The following ZNF717 variants were observed in gnomAD, a reference collection of about 807,000 sequenced individuals.
The protein encoded by ZNF717 is krueppel-like factor X17.
A neutral mutation model predicts 13.8 loss-of-function variants in ZNF717; 9 were observed. That is an observed-to-expected ratio of 0.65 (90% CI 0.39 to 1.14). ZNF717 has a LOEUF of 1.14. Ranked by LOEUF, ZNF717 falls within the 50% of genes most tolerant of loss-of-function variation. The probability of loss-of-function intolerance (pLI) is 0.01; values close to 1 mark genes in which losing one functional copy is unlikely to be tolerated. For synonymous variants in ZNF717, 327 were observed against 364.1 expected, an observed-to-expected ratio of 0.90 and a Z score of 1.16; for missense variants, 1,040 against 1,080.7, an observed-to-expected ratio of 0.96 and a Z score of 0.53.
At chr3:75,705,850 C>T (rs150420868), downstream of ZNF717, among the ~76,000 whole-genome samples, 1 of 149,734 alleles carries the variant, frequency 6.7e-6, no homozygotes, top group African/African-American at 2.5e-5. Flanking sequence ...AATTCATAGA[C>T]AAATTTAAGA....
downstream of ZNF717, among the ~76,000 whole-genome samples, chr3:75,705,169 TGAAA>T (rs1331647348): frequency 6.6e-6 from 1 of 152,304 alleles, no homozygotes; most frequent in African/African-American, 2.4e-5. Context: ...ACTTTTTTCC[TGAAA>T]GAGTTTTGTC....
Position 75,737,022 on chromosome 3 carries a change from T to C in ZNF717, c.2601A>G (p.Glu867=), listed in dbSNP as rs1388859914. 3.4e-5 allele frequency: 54 copies of C among 1,602,214 alleles called. No individual in the cohort carries two copies. The East Asian group carries it at 9.3e-4, about 28-fold the overall frequency. The stretch of plus-strand genomic sequence containing the variant: ...CACATTCCTTACATTCATAAGGTTT[T>C]TCTCCTGTGTGTGTTCTCTGATGTA... ...LSIHQRTHTG[E]KPYECKECGK... is the part of the protein sequence containing the mutation. Residue 867 remains glutamate (E), a synonymous_variant, in exon 5 of 5, where the codon GAA becomes GAG. Transcript: ENST00000652011.
intron 2 of ZNF717, among the ~76,000 whole-genome samples, chr3:75,745,861 A>G (rs1166179778): frequency 2.7e-5 from 4 of 150,458 alleles, no homozygotes; most frequent in Non-Finnish European, 4.4e-5. Flanking sequence ...TATTTTCCAT[A>G]TTGAATTATT....
rs1314891773 is a variant in ZNF717 at position 75,717,070 on chromosome 3, C to T, written n.545-529G>A. 2.6e-5 allele frequency among the ~76,000 whole-genome samples: 4 copies of T among 152,154 alleles called. No individual in the cohort carries two copies. In the East Asian group the frequency reaches 5.8e-4, roughly 22 times the overall value. On this transcript the variant is annotated intron_variant and non_coding_transcript_variant, in intron 4 of 5. Coordinates refer to the ZNF717 transcript ENST00000491507. ...GGTTTCCTGGGCTCAGTGCTTTCTC[C>T]AGAGGTTTTGCACAATTTGGGGATT...
rs1340741092 is a variant in ZNF717, at chr3:75,723,799, A to C, written n.545-7258T>G. 9.2e-5 allele frequency among the ~76,000 whole-genome samples: 14 copies of C among 152,134 alleles called. No individual in the cohort carries two copies. The East Asian group carries it at 1.2e-3, about 13-fold the overall frequency. On this transcript the variant is annotated intron_variant and non_coding_transcript_variant, in intron 4 of 5. Coordinates refer to the ZNF717 transcript ENST00000491507. The stretch of plus-strand genomic sequence containing the variant: ...GTGCCTGGGAAGGCACCGGTTACTT[A>C]GCAGATCGGGAAAGCGAGTCTCCCT...
intron 6 of ZNF717, among the ~76,000 whole-genome samples, chr3:75,701,208 T>A (rs1432471464): frequency 3.9e-5 from 6 of 152,308 alleles, no homozygotes; most frequent in African/African-American, 1.4e-4. Flanking sequence ...TCAGTTCTCA[T>A]GAGATCTGAT....
At chr3:75,759,802 C>T (rs1942817596) in intron 2 of ZNF717, among the ~76,000 whole-genome samples, 1 of 151,088 alleles carries the variant, frequency 6.6e-6, no homozygotes, top group Admixed American at 6.6e-5. Flanking sequence ...CTCCTGACCT[C>T]ATGTGATCTG....
intron 5 of ZNF717, among the ~76,000 whole-genome samples, chr3:75,711,676 T>C (rs1575716451): frequency 6.6e-6 from 1 of 152,044 alleles, no homozygotes; most frequent in African/African-American, 2.4e-5. Context: ...ATTAGAGGAT[T>C]GGGAGGTTGA....
chr3:75,723,427 G>A (rs910503893), intron 4 of ZNF717, among the ~76,000 whole-genome samples: 1 of 151,876 alleles, frequency 6.6e-6, no homozygotes, highest in Non-Finnish European at 1.5e-5. Flanking sequence ...AAGAGACTGA[G>A]GGCAAGAGCT....
At chr3:75,727,128 C>A (rs796802414), downstream of ZNF717, among the ~76,000 whole-genome samples, 18 of 152,252 alleles carry the variant, frequency 1.2e-4, no homozygotes, top group Non-Finnish European at 2.4e-4. Context: ...TTTCTTATGC[C>A]TGTCTTACTT....
At chr3:75,717,153 G>A (rs1357258280) in intron 4 of ZNF717, among the ~76,000 whole-genome samples, 1 of 152,002 alleles carries the variant, frequency 6.6e-6, no homozygotes, top group South Asian at 2.1e-4. Flanking sequence ...GCTCTTGAGA[G>A]GAAAAATCAT....
At chr3:75,696,751 G>T (rs1937608143) in intron 6 of ZNF717, among the ~76,000 whole-genome samples, 2 of 152,310 alleles carry the variant, frequency 1.3e-5, no homozygotes, top group Admixed American at 1.3e-4. Context: ...AAATTAACCA[G>T]TCACGGTGGT....
At chr3:75,773,633 GAAC>G (rs1186681380) in intron 2 of ZNF717, among the ~76,000 whole-genome samples, 30 of 151,884 alleles carry the variant, frequency 2.0e-4, no homozygotes, top group African/African-American at 6.8e-4. Flanking sequence ...GCAACCCCTT[GAAC>G]AGCATCTTGC....
chr3:75,752,731 ATGTT>A (rs1409825579), intron 2 of ZNF717, among the ~76,000 whole-genome samples: 2,911 of 151,632 alleles, frequency 0.019, 46 homozygotes, highest in Non-Finnish European at 0.029. Context: ...TATGGTCTGA[ATGTT>A]TGTCCCTCAC....
intron 6 of ZNF717, among the ~76,000 whole-genome samples, chr3:75,698,136 C>T (rs929876449): frequency 2.0e-5 from 3 of 151,310 alleles, no homozygotes; most frequent in South Asian, 2.1e-4. Context: ...AACCTATGCT[C>T]ACATGTTCTA....
chr3:75,708,326 C>T (rs191091030), downstream of ZNF717, among the ~76,000 whole-genome samples: 71 of 145,462 alleles, frequency 4.9e-4, no homozygotes, highest in Non-Finnish European at 5.6e-4. Flanking sequence ...TGCTGTTCTG[C>T]AGCCACTGCT....
chr3:75,783,977 G>A (rs1944995168), intron 1 of ZNF717, among the ~76,000 whole-genome samples: 2 of 152,062 alleles, frequency 1.3e-5, no homozygotes, highest in African/African-American at 4.8e-5. Context: ...ACAATAAATT[G>A]GGCTTTTCCA....
chr3:75,741,715 C>T lies in ZNF717; in HGVS notation c.79G>A (p.Val27Ile), dbSNP rs772068460. 270 of 1,586,168 alleles carry T rather than the reference C, an allele frequency of 1.7e-4. No homozygotes were observed. The highest frequency in any genetic ancestry group is 2.2e-4 in the Non-Finnish European group (261 of 1,165,654). The stretch of plus-strand genomic sequence containing the variant: ...TCCTCCCAGGTGAAGTGCACAGCTA[C>T]CTCCTCAAAGGACACCAACTCCTGT... ...KSLELVSFEE[V>I]AVHFTWEEWQ... Residue 27 changes from valine to isoleucine, a missense_variant, in exon 3 of 5, where the codon GTA becomes ATA. Around this residue, in one of 3 missense-constraint regions of ZNF717, gnomAD observed 123 missense variants for 177.8 expected, o/e 0.69. Coordinates refer to ENST00000652011, the MANE Select transcript of ZNF717 (RefSeq NM_001290208.3).
rs1443714742 is a variant in ZNF717, at chr3:75,738,388, A to G, written c.1235T>C (p.Ile412Thr). The G allele has an allele frequency of 6.5e-7, 1 of 1,539,094 alleles. No individual in the cohort carries two copies. The highest frequency in any genetic ancestry group is 1.4e-5 in the African/African-American group (1 of 72,704). The change falls in exon 5 of 5, where the codon ATA becomes ACA. Residue 412 changes from isoleucine to threonine, a missense_variant. Around this residue, in one of 3 missense-constraint regions of ZNF717, gnomAD observed 873 missense variants for 832.8 expected, o/e 1.05. Transcript: ENST00000652011. ...TTCCCCTGTGTGAGTTCTATGATGT[A>G]TTGTGAGGTATGACTTCTGGCTAAA... ...KTFSQKSYLT[I>T]HHRTHTGEKP...
Sources: gnomAD v4.1 joint callset for allele counts (sites outside exome capture counted in the v4.1 genomes callset) on GRCh38, gnomAD v4.1.1 for gene constraint, gnomAD v4.1.1 regional missense constraint, MANE v1.5 for transcripts, NCBI Gene and HGNC (gene_info 2026-07-23, HGNC 2026-07-21) for gene names.